The following FHOD3 variants were observed in gnomAD, a reference collection of about 807,000 sequenced individuals.
The protein encoded by FHOD3 is FH1/FH2 domain-containing protein 3.
FHOD3 carries 90 observed loss-of-function variants against 173.0 expected under a neutral mutation model. The ratio of observed to expected loss-of-function variants is 0.52; its 90% CI spans 0.44 to 0.62. FHOD3 has a LOEUF of 0.62. FHOD3 is among the 20% of genes least tolerant of loss of function. The pLI is 0.00. For synonymous variants in FHOD3, 828 were observed against 823.0 expected (o/e 1.01, Z -0.10); for missense variants, 1,945 against 2,034.7 (o/e 0.96, Z 0.85).
At chr18:36,624,735 C>T (rs2033969159) in intron 9 of FHOD3, among the ~76,000 whole-genome samples, 1 of 152,002 alleles carries the variant, frequency 6.6e-6, no homozygotes, top group African/African-American at 2.4e-5. Context: ...CTCACATTTC[C>T]CCATGTAAGC....
chr18:36,682,860 T>C (rs1453940201), intron 15 of FHOD3, among the ~76,000 whole-genome samples: 1 of 152,208 alleles, frequency 6.6e-6, no homozygotes, highest in Non-Finnish European at 1.5e-5. Context: ...ATTACAGGCA[T>C]AAGCCACCAT....
intron 3 of FHOD3, among the ~76,000 whole-genome samples, chr18:36,415,964 G>A (rs1160445223): frequency 2.0e-5 from 3 of 152,120 alleles, no homozygotes; most frequent in Non-Finnish European, 2.9e-5. Context: ...CAAATCAACT[G>A]GAAACAAATT....
intron 1 of FHOD3, among the ~76,000 whole-genome samples, chr18:36,315,893 T>A (rs2144798201): frequency 6.6e-6 from 1 of 152,258 alleles, no homozygotes; most frequent in Admixed American, 6.5e-5. Flanking sequence ...TGCGCCCTCA[T>A]GAGTGCTGTG....
intron 3 of FHOD3, among the ~76,000 whole-genome samples, chr18:36,479,048 G>T (rs975878241): frequency 1.3e-5 from 2 of 152,182 alleles, no homozygotes; most frequent in African/African-American, 4.8e-5. Flanking sequence ...AAGCATGCCA[G>T]GTTCTTTTGC....
At position 36,373,834 on chromosome 18, in the gene FHOD3, T is replaced by C. The variant is rs574370577; in HGVS notation, c.337+1090T>C. ...GGGCACTTATATTAAATCGTGGCTT[T>C]TTTATTACCTGCTTCGTGTTTTCCC... On this transcript the variant is annotated intron_variant, in intron 3 of 28. Coordinates refer to ENST00000590592, the MANE Select transcript of FHOD3 (RefSeq NM_001281740.3). Among the ~76,000 whole-genome samples, 7 of 152,332 alleles carry C rather than the reference T, an allele frequency of 4.6e-5. No homozygotes were observed. In the East Asian group the frequency reaches 7.7e-4, roughly 17 times the overall value.
chr18:36,495,221 G>C (rs1008927720), intron 3 of FHOD3, among the ~76,000 whole-genome samples: 1 of 152,152 alleles, frequency 6.6e-6, no homozygotes, highest in Non-Finnish European at 1.5e-5. Context: ...GATTACACGT[G>C]TGAGCCACTG....
chr18:36,707,481 G>A (rs911150314), intron 17 of FHOD3, among the ~76,000 whole-genome samples: 3 of 152,226 alleles, frequency 2.0e-5, no homozygotes, highest in African/African-American at 7.2e-5. Flanking sequence ...CAGGAAAGGT[G>A]ACATTTCATC....
At chr18:36,548,227 C>T (rs1599605485) in intron 5 of FHOD3, among the ~76,000 whole-genome samples, 1 of 152,152 alleles carries the variant, frequency 6.6e-6, no homozygotes, top group Non-Finnish European at 1.5e-5. Context: ...TTCACTCACT[C>T]AGCAAAAATC....
chr18:36,565,656 A>T (rs897094527), intron 5 of FHOD3, among the ~76,000 whole-genome samples: 21 of 152,322 alleles, frequency 1.4e-4, no homozygotes, highest in African/African-American at 5.1e-4. Context: ...TACTTTTGGT[A>T]GAAATAAATA....
chr18:36,447,981 T>C (rs1480489737), intron 3 of FHOD3, among the ~76,000 whole-genome samples: 1 of 152,132 alleles, frequency 6.6e-6, no homozygotes, highest in Non-Finnish European at 1.5e-5. Flanking sequence ...GTGTAGACTT[T>C]TGTGCCTTTG....
intron 19 of FHOD3, among the ~76,000 whole-genome samples, chr18:36,721,748 A>G (rs2040804774): frequency 6.6e-6 from 1 of 152,204 alleles, no homozygotes; most frequent in South Asian, 2.1e-4. Flanking sequence ...TCTGTTTCTA[A>G]TCCTTGACTG....
intron 3 of FHOD3, among the ~76,000 whole-genome samples, chr18:36,432,942 C>T (rs1388984797): frequency 1.3e-5 from 2 of 152,118 alleles, no homozygotes; most frequent in Non-Finnish European, 2.9e-5. Context: ...GTCTTTAGCC[C>T]ACACATTGAA....
At chr18:36,396,757 C>G (rs1308668733) in intron 3 of FHOD3, among the ~76,000 whole-genome samples, 1 of 152,132 alleles carries the variant, frequency 6.6e-6, no homozygotes, top group Non-Finnish European at 1.5e-5. Context: ...TGTTATTAAA[C>G]TCCTTATTCT....
At chr18:36,426,575 TAGA>T (rs1418772922) in intron 3 of FHOD3, among the ~76,000 whole-genome samples, 2 of 152,154 alleles carry the variant, frequency 1.3e-5, no homozygotes, top group Admixed American at 6.5e-5. Flanking sequence ...CTCCATTAAC[TAGA>T]TGCTTTGAAA....
intron 25 of FHOD3, among the ~76,000 whole-genome samples, chr18:36,758,811 T>G (rs775633968): frequency 1.3e-5 from 2 of 152,142 alleles, no homozygotes; most frequent in East Asian, 1.9e-4. Flanking sequence ...GCGAGTGACG[T>G]TGGTGGTGGT....
chr18:36,441,949 G>A (rs2051178780), intron 3 of FHOD3, among the ~76,000 whole-genome samples: 1 of 152,192 alleles, frequency 6.6e-6, no homozygotes, highest in South Asian at 2.1e-4. Flanking sequence ...TAGGATTTCT[G>A]ACTTTAGTTC....
intron 4 of FHOD3, among the ~76,000 whole-genome samples, chr18:36,507,307 G>A (rs1051708970): frequency 8.5e-5 from 13 of 152,160 alleles, no homozygotes; most frequent in Admixed American, 6.5e-4. Context: ...TTAAACTATT[G>A]TATAAAATTA....
intron 3 of FHOD3, among the ~76,000 whole-genome samples, chr18:36,497,302 G>A (rs2054795253): frequency 6.6e-6 from 1 of 152,182 alleles, no homozygotes; most frequent in Non-Finnish European, 1.5e-5. Context: ...AGATATCTTT[G>A]GCATTTGTAG....
intron 5 of FHOD3, among the ~76,000 whole-genome samples, chr18:36,515,384 A>T (rs2055912639): frequency 1.3e-5 from 2 of 151,706 alleles, no homozygotes; most frequent in Admixed American, 1.3e-4. Context: ...CACCTGCCTA[A>T]TTTTTTTGTA....
Sources: allele counts gnomAD v4.1 joint callset (sites outside exome capture counted in the v4.1 genomes callset), GRCh38; gene constraint gnomAD v4.1.1; transcripts MANE v1.5; gene names NCBI Gene and HGNC (gene_info 2026-07-23, HGNC 2026-07-21).